Variants in GMPS observed in about 807,000 individuals in gnomAD.
GMPS encodes GMP synthase [glutamine-hydrolyzing].
A neutral mutation model predicts 77.9 loss-of-function variants in GMPS; 15 were observed. The observed-to-expected ratio is 0.19, with a 90% CI of 0.13 to 0.30. The LOEUF (loss-of-function observed/expected upper bound fraction) is 0.30. Ranked by LOEUF, GMPS falls within the 10% of genes least tolerant of loss-of-function variation. The pLI, the probability that GMPS is intolerant of heterozygous loss-of-function variation, is 1.00. For synonymous variants in GMPS, 224 were observed against 275.9 expected (o/e 0.81, Z 1.86); for missense variants, 590 against 838.8 (o/e 0.70, Z 3.66).
At chr3:155,937,412 C>A (rs41267913) in intron 15 of GMPS, among the ~76,000 whole-genome samples, 179 bp from the exon 16 acceptor site, 8,302 of 152,274 alleles carry the variant, frequency 0.055, 318 homozygotes, top group East Asian at 0.18. Flanking sequence ...TAATAACTTA[C>A]ACCTATCCCT....
At chr3:155,923,956 C>T (rs1431387939) in intron 11 of GMPS, among the ~76,000 whole-genome samples, 1 of 152,180 alleles carries the variant, frequency 6.6e-6, no homozygotes, top group Non-Finnish European at 1.5e-5. Flanking sequence ...TCTTGGCTCA[C>T]TGCAACCTCC....
chr3:155,931,361 T>C (rs1265967362), intron 12 of GMPS, among the ~76,000 whole-genome samples: 1 of 151,698 alleles, frequency 6.6e-6, no homozygotes, highest in African/African-American at 2.4e-5. Flanking sequence ...AATTTTTGTA[T>C]TTTTAGTAGA....
At chr3:155,925,206 T>G (rs752220834) in intron 11 of GMPS, 35 bp from the exon 12 acceptor site, 1 of 1,586,916 alleles carries the variant, frequency 6.3e-7, no homozygotes. Flanking sequence ...CCTTATTTCT[T>G]AAAACTGAAA....
chr3:155,942,339 C>T lies in GMPS; in HGVS notation c.*4647C>T, dbSNP rs549869780. ...TCCCGACCTCATGATCCGCCCGCCT[C>T]GGCCTCTCAGAGTGCTGGGATTACA... On this transcript the variant is annotated 3_prime_UTR_variant, in exon 16 of 16. Transcript: ENST00000496455. 5.6e-5 allele frequency: 11 copies of T among 196,540 alleles called. No individual in the cohort carries two copies. The highest frequency in any genetic ancestry group is 4.0e-4 in the East Asian group (5 of 12,482). The allele number at this position is 196,540 out of a possible 1,614,324, so 12.2% of individuals were successfully genotyped here.
chr3:155,931,687 A>AC (rs946781875), intron 12 of GMPS, 78 bp from the exon 13 acceptor site: 9 of 593,782 alleles, frequency 1.5e-5, no homozygotes, highest in Admixed American at 2.9e-5. Context: ...TTTTTTTAAA[A>AC]AAAAAAAAAA....
chr3:155,929,036 G>A (rs112029570), intron 12 of GMPS, among the ~76,000 whole-genome samples: 4 of 149,716 alleles, frequency 2.7e-5, no homozygotes, highest in Middle Eastern at 3.4e-3. Context: ...ATTTATAGTC[G>A]TTTGGGTATA....
At chr3:155,891,222 A>G (rs1754454075) in intron 1 of GMPS, among the ~76,000 whole-genome samples, 1 of 152,262 alleles carries the variant, frequency 6.6e-6, no homozygotes. Context: ...AAATTTGTGC[A>G]TATTAGGATT....
chr3:155,929,629 C>G (rs1199442684), intron 12 of GMPS, among the ~76,000 whole-genome samples: 47 of 142,206 alleles, frequency 3.3e-4, no homozygotes, highest in East Asian at 1.1e-3. Flanking sequence ...TGTCTCAGCC[C>G]AAAATCTCCT....
chr3:155,886,115 T>C (rs1361278951), intron 1 of GMPS, among the ~76,000 whole-genome samples: 1 of 151,690 alleles, frequency 6.6e-6, no homozygotes, highest in East Asian at 2.0e-4. Flanking sequence ...GCTATGGCGC[T>C]CAGCCTTCAG....
intron 7 of GMPS, among the ~76,000 whole-genome samples, chr3:155,913,025 A>G (rs986418946): frequency 6.6e-6 from 1 of 152,242 alleles, no homozygotes; most frequent in African/African-American, 2.4e-5. Flanking sequence ...GCTTGAGCCT[A>G]CTAATACCAG....
intron 4 of GMPS, among the ~76,000 whole-genome samples, chr3:155,905,403 G>A (rs1754849931): frequency 6.6e-6 from 1 of 152,108 alleles, no homozygotes; most frequent in South Asian, 2.1e-4. Context: ...CAGAGAAAGT[G>A]TACACATTAC....
At chr3:155,874,450 A>G (rs774859968) in intron 1 of GMPS, among the ~76,000 whole-genome samples, 6 of 152,330 alleles carry the variant, frequency 3.9e-5, no homozygotes, top group Non-Finnish European at 8.8e-5. Context: ...TGGGAATATA[A>G]CTTGGGATTT....
intron 3 of GMPS, among the ~76,000 whole-genome samples, chr3:155,899,309 G>A (rs940612946): frequency 2.0e-5 from 3 of 151,844 alleles, no homozygotes; most frequent in Non-Finnish European, 4.4e-5. Flanking sequence ...CGGAGGTTGC[G>A]GTGAGTGGAG....
chr3:155,918,765 A>G (rs1755246826), intron 9 of GMPS, among the ~76,000 whole-genome samples: 1 of 151,958 alleles, frequency 6.6e-6, no homozygotes, highest in East Asian at 1.9e-4. Context: ...TTTTTAATTG[A>G]CTTATTTATT....
At chr3:155,902,091 T>C (rs1190742700) in intron 3 of GMPS, among the ~76,000 whole-genome samples, 1 of 152,200 alleles carries the variant, frequency 6.6e-6, no homozygotes, top group East Asian at 1.9e-4. Flanking sequence ...TATGGCTTTC[T>C]TTGAGGCAGT....
intron 12 of GMPS, among the ~76,000 whole-genome samples, chr3:155,930,715 C>T (rs1000427471): frequency 6.6e-6 from 1 of 152,170 alleles, no homozygotes; most frequent in African/African-American, 2.4e-5. Context: ...TACTTAAACA[C>T]GTTGATAAGT....
intron 14 of GMPS, among the ~76,000 whole-genome samples, chr3:155,935,402 C>G (rs1440321138): frequency 1.3e-5 from 2 of 152,156 alleles, no homozygotes; most frequent in African/African-American, 4.8e-5. Context: ...CAGCTGATCT[C>G]GAACTCCTAA....
chr3:155,874,674 A>T (rs971204799), intron 1 of GMPS, among the ~76,000 whole-genome samples: 1 of 152,148 alleles, frequency 6.6e-6, no homozygotes, highest in African/African-American at 2.4e-5. Flanking sequence ...ATCTCGGATG[A>T]CATTGCCTTT....
upstream of GMPS, chr3:155,870,477 G>C (rs1020171694): frequency 4.5e-5 from 9 of 200,770 alleles, no homozygotes. Flanking sequence ...AGACCCGGCC[G>C]GCTTTGCCGG....
Sources: gnomAD v4.1 joint callset for allele counts (sites outside exome capture counted in the v4.1 genomes callset) on GRCh38, gnomAD v4.1.1 for gene constraint, MANE v1.5 for transcripts, NCBI Gene and HGNC (gene_info 2026-07-23, HGNC 2026-07-21) for gene names.